SLC14A2: variants seen among roughly 807,000 people sequenced by gnomAD.
SLC14A2 encodes solute carrier family 14 member 2, also known as urea transporter 2.
A neutral mutation model predicts 104.6 loss-of-function variants in SLC14A2; 91 were observed. The observed-to-expected ratio is 0.87, with a 90% CI of 0.73 to 1.04. SLC14A2 has a LOEUF of 1.04. Ranked by LOEUF, SLC14A2 falls within the 50% of genes least tolerant of loss-of-function variation. SLC14A2 has a pLI of 0.00. For synonymous variants in SLC14A2, 476 were observed against 466.4 expected, an observed-to-expected ratio of 1.02 and a Z score of -0.27; for missense variants, 1,189 against 1,156.0, an observed-to-expected ratio of 1.03 and a Z score of -0.41.
At chr18:45,363,310 C>CA (rs2085633291) in intron 1 of SLC14A2, among the ~76,000 whole-genome samples, 1 of 151,736 alleles carries the variant, frequency 6.6e-6, no homozygotes, top group South Asian at 2.1e-4. Context: ...AATATGGGCA[C>CA]AAAACCAGGA....
intron 1 of SLC14A2, among the ~76,000 whole-genome samples, chr18:45,329,990 A>G (rs945783176): frequency 3.9e-5 from 6 of 152,246 alleles, no homozygotes; most frequent in South Asian, 4.1e-4. Flanking sequence ...AGTGCTTTAT[A>G]TACATACTCT....
At chr18:45,621,602 C>A (rs1388104790) in intron 1 of SLC14A2, among the ~76,000 whole-genome samples, 1 of 152,214 alleles carries the variant, frequency 6.6e-6, no homozygotes, top group African/African-American at 2.4e-5. Flanking sequence ...CCCACCTCTT[C>A]CTTCCATATT....
chr18:45,180,533 A>G, the SLC14A2 span, among the ~76,000 whole-genome samples: 1 of 152,232 alleles, frequency 6.6e-6, no homozygotes, highest in Admixed American at 6.5e-5. Flanking sequence ...AATAATGTCA[A>G]TGTTACAGAA....
intron 10 of SLC14A2, among the ~76,000 whole-genome samples, chr18:45,648,741 CT>C (rs1232672626): frequency 6.6e-6 from 1 of 151,662 alleles, no homozygotes; most frequent in Non-Finnish European, 1.5e-5. Flanking sequence ...TATGTAATAA[CT>C]AATATACTAG....
the SLC14A2 span, among the ~76,000 whole-genome samples, chr18:45,175,020 G>T: frequency 6.6e-6 from 1 of 152,148 alleles, no homozygotes; most frequent in Non-Finnish European, 1.5e-5. Context: ...GACATTGCTG[G>T]TGGGAATTTA....
chr18:45,271,506 A>G (rs947308344), intron 1 of SLC14A2, among the ~76,000 whole-genome samples: 6 of 152,148 alleles, frequency 3.9e-5, no homozygotes, highest in Non-Finnish European at 7.4e-5. Flanking sequence ...CAATGATAAA[A>G]TGCTACCTAC....
the SLC14A2 span, among the ~76,000 whole-genome samples, chr18:45,191,706 G>C: frequency 1.6e-4 from 25 of 152,072 alleles, no homozygotes; most frequent in African/African-American, 6.0e-4. Context: ...TGAGACCCTG[G>C]GAGCTTGTCC....
Position 45,420,439 on chromosome 18 carries a change from T to C in SLC14A2, c.-124-62794T>C, listed in dbSNP as rs944724540. Among the ~76,000 whole-genome samples the C allele has an allele frequency of 2.6e-5, 4 of 152,188 alleles. No homozygotes were observed. In the East Asian group the frequency reaches 7.7e-4, roughly 29 times the overall value. On this transcript the variant is annotated intron_variant, in intron 1 of 20. Transcript: ENST00000586448. ...AAAGATCCACAGATCCACACGAGGATGGTGTGGGAAGGGGGCATGTCTTGG... is the reference window on the plus strand; with the variant it reads ...AAAGATCCACAGATCCACACGAGGACGGTGTGGGAAGGGGGCATGTCTTGG...
intron 1 of SLC14A2, among the ~76,000 whole-genome samples, chr18:45,393,278 G>A (rs2085992002): frequency 6.6e-6 from 1 of 152,182 alleles, no homozygotes; most frequent in African/African-American, 2.4e-5. Flanking sequence ...ATAGGGAAGT[G>A]ATGTGACTTA....
In SLC14A2 at chr18:45,562,279, A is replaced by C. The variant is rs548985272; in HGVS notation, c.-34-62352A>C. 3.5e-4 allele frequency among the ~76,000 whole-genome samples: 53 copies of C among 152,352 alleles called. 1 individual carries two copies. Among genetic ancestry groups the C allele is most frequent in the South Asian group, 2.7e-3 (13 of 4,828 alleles). ...AAAGCTCTAGGACAGTGCCCAGTCT[A>C]TACGTAATTAAAAGATAATGTCAGT... On this transcript the variant is annotated intron_variant, in intron 2 of 20. Coordinates refer to the SLC14A2 transcript ENST00000586448.
At position 45,512,326 on chromosome 18, in the gene SLC14A2, GA is replaced by G. The variant is rs944221807; in HGVS notation, c.-35+29013del. ...ACCAGACTAGCATGGAAGGAGTGGA[GA>G]AAAAAAAATCAAAGTCAGATGGGCG... On this transcript the variant is annotated intron_variant, in intron 2 of 20. Transcript: ENST00000586448. 3.9e-3 allele frequency among the ~76,000 whole-genome samples: 596 copies of G among 151,340 alleles called. 7 individuals are homozygous for G. The highest frequency in any genetic ancestry group is 0.014 in the African/African-American group (564 of 41,284).
At chr18:45,238,423 A>C (rs570706593) in intron 1 of SLC14A2, among the ~76,000 whole-genome samples, 1 of 152,218 alleles carries the variant, frequency 6.6e-6, no homozygotes, top group Non-Finnish European at 1.5e-5. Context: ...ATGGCAGCAC[A>C]CTGTTGAAGA....
At chr18:45,500,443 A>G (rs143706328) in intron 2 of SLC14A2, among the ~76,000 whole-genome samples, 3,189 of 151,848 alleles carry the variant, frequency 0.021, 37 homozygotes, top group South Asian at 0.029. Flanking sequence ...GGGGCGTGGT[A>G]GCGGGCGCCT....
At chr18:45,196,133 A>T in the SLC14A2 span, among the ~76,000 whole-genome samples, 2 of 152,240 alleles carry the variant, frequency 1.3e-5, no homozygotes, top group Non-Finnish European at 1.5e-5. Context: ...CCAAAACTCA[A>T]TGATTGGCAC....
In SLC14A2 at chr18:45,278,319, T is replaced by C. The variant is rs151318388; in HGVS notation, c.-125+65128T>C. On this transcript the variant is annotated intron_variant, in intron 1 of 20. Transcript: ENST00000586448. ...ATATTTGGGGTCGGATAATTTTTTGTTGTGAGAATCTGTCCTGTGCATTTT... is the reference window on the plus strand; with the variant it reads ...ATATTTGGGGTCGGATAATTTTTTGCTGTGAGAATCTGTCCTGTGCATTTT... Among the ~76,000 whole-genome samples, 1,474 of 152,338 alleles carry C rather than the reference T, an allele frequency of 9.7e-3. 14 individuals carry two copies. The highest frequency in any genetic ancestry group is 0.015 in the Non-Finnish European group (1,016 of 68,024).
At chr18:45,633,710 A>G (rs547499553) in intron 5 of SLC14A2, among the ~76,000 whole-genome samples, 1 of 152,310 alleles carries the variant, frequency 6.6e-6, no homozygotes, top group South Asian at 2.1e-4. Context: ...TTTACTTTTA[A>G]CATCTCTAAG....
chr18:45,650,654 G>A (rs891342716), intron 10 of SLC14A2, among the ~76,000 whole-genome samples: 2 of 152,374 alleles, frequency 1.3e-5, no homozygotes, highest in Admixed American at 6.5e-5. Flanking sequence ...CAGGTGAATA[G>A]TCTCACCTGA....
chr18:45,636,997 C>T lies in SLC14A2; in HGVS notation c.658C>T (p.Leu220Phe). ...TGTCTCTTGCATCTTCAGCCCAGTT[C>T]TTTCTAGTGCCTTGAATTCCATCTT... ...VTFTAMSCPVLSSALNSIFSK... is the reference protein window; with the variant it reads ...VTFTAMSCPVFSSALNSIFSK... Residue 220 changes from leucine to phenylalanine, a missense_variant, in exon 6 of 20, where the codon CTT becomes TTT. Physicochemically the swap from Leu to Phe is conservative, Grantham distance 22. Transcript: ENST00000255226. 1 of 1,613,806 alleles carries T rather than the reference C, an allele frequency of 6.2e-7. No individual in the cohort carries two copies. The highest frequency in any genetic ancestry group is 1.1e-5 in the South Asian group (1 of 91,008).
At chr18:45,523,394 A>G (rs874122) in intron 2 of SLC14A2, among the ~76,000 whole-genome samples, 68,935 of 151,298 alleles carry the variant, frequency 0.46, 16,497 homozygotes, top group East Asian at 0.58. Flanking sequence ...CAGTGGCGCA[A>G]TCTCGGCTCA....
Sources: gnomAD v4.1 joint callset for allele counts (sites outside exome capture counted in the v4.1 genomes callset) on GRCh38, gnomAD v4.1.1 for gene constraint, MANE v1.5 for transcripts, NCBI Gene and HGNC (gene_info 2026-07-23, HGNC 2026-07-21) for gene names.